SRPK2: variants seen among roughly 807,000 people sequenced by gnomAD.
SRPK2 encodes the protein SRSF protein kinase 2.
Under a neutral mutation model 90.8 loss-of-function variants are expected in SRPK2, and 21 were observed. The ratio of observed to expected loss-of-function variants is 0.23; its 90% CI spans 0.16 to 0.33. The LOEUF is 0.33. SRPK2 is among the 10% of genes least tolerant of loss of function. The pLI is 1.00. For missense variants in SRPK2, 620 were observed against 869.0 expected, an observed-to-expected ratio of 0.71 and a Z score of 3.60; for synonymous variants, 288 against 311.1, an observed-to-expected ratio of 0.93 and a Z score of 0.78.
intron 2 of SRPK2, among the ~76,000 whole-genome samples, chr7:105,207,531 A>G (rs1796361992): frequency 6.6e-6 from 1 of 152,262 alleles, no homozygotes; most frequent in South Asian, 2.1e-4. Context: ...ATGGCAGTGG[A>G]AATGACCCAT....
intron 2 of SRPK2, among the ~76,000 whole-genome samples, chr7:105,363,985 G>A (rs1408195440): frequency 6.6e-6 from 1 of 150,626 alleles, no homozygotes; most frequent in Non-Finnish European, 1.5e-5. Flanking sequence ...GCCGGACAAT[G>A]AGAACACATG....
At chr7:105,389,393 G>A (rs1207741021), upstream of SRPK2, 2 of 1,246,004 alleles carry the variant, frequency 1.6e-6, no homozygotes, top group African/African-American at 1.6e-5. Flanking sequence ...CTCCTCTCCG[G>A]CAGGCGTGGA....
At chr7:105,349,142 T>C (rs1304758612) in intron 2 of SRPK2, among the ~76,000 whole-genome samples, 4 of 109,038 alleles carry the variant, frequency 3.7e-5, no homozygotes, top group Admixed American at 1.5e-4. Flanking sequence ...GAGATTTTTG[T>C]AGAAAGAGAG....
chr7:105,209,458 T>C (rs542871094), intron 2 of SRPK2, among the ~76,000 whole-genome samples: 45 of 152,080 alleles, frequency 3.0e-4, no homozygotes, highest in African/African-American at 1.1e-3. Flanking sequence ...GTGAGAGGAC[T>C]GCTTGAGCAT....
At chr7:105,254,592 T>A (rs751740659) in intron 2 of SRPK2, among the ~76,000 whole-genome samples, 8 of 152,236 alleles carry the variant, frequency 5.3e-5, no homozygotes, top group Non-Finnish European at 1.2e-4. Flanking sequence ...AAATGCCAGT[T>A]TGAAAATCAT....
intron 6 of SRPK2, among the ~76,000 whole-genome samples, chr7:105,166,604 T>C (rs1417682270): frequency 6.6e-6 from 1 of 152,216 alleles, no homozygotes; most frequent in Non-Finnish European, 1.5e-5. Flanking sequence ...GATCTCTTTC[T>C]TATATGTTTG....
intron 2 of SRPK2, among the ~76,000 whole-genome samples, chr7:105,300,449 C>T (rs1465400200): frequency 2.6e-5 from 4 of 151,886 alleles, no homozygotes; most frequent in Non-Finnish European, 4.4e-5. Context: ...AGAAGAATAG[C>T]CACAGGAGGA....
chr7:105,182,074 C>CA (rs1792928727), intron 3 of SRPK2, among the ~76,000 whole-genome samples: 1 of 150,608 alleles, frequency 6.6e-6, no homozygotes. Context: ...ACTAAAAATA[C>CA]AAAAAAATTA....
chr7:105,177,793 C>T (rs1005796037), intron 3 of SRPK2, among the ~76,000 whole-genome samples: 3 of 152,050 alleles, frequency 2.0e-5, no homozygotes, highest in Non-Finnish European at 2.9e-5. Flanking sequence ...GAGGCCGAGA[C>T]GGGCGGATCA....
rs1317577263 is a variant in SRPK2, at chr7:105,146,503, T to C, written c.777A>G (p.Ser259=). ...EWQKAGAPPP[S]GSAVSTAPQQ... is the part of the protein sequence containing the mutation. ...GCTCAGCTCCCTCACCTGCAGACCC[T>C]GAAGGAGGAGGAGCACCTGCTTTCT... The change falls in exon 8 of 16, where the codon TCA becomes TCG. Residue 259 remains serine (S), a synonymous_variant. Coordinates refer to ENST00000393651, the MANE Select transcript of SRPK2 (RefSeq NM_182692.3). The C allele has an allele frequency of 6.2e-7, 1 of 1,614,106 alleles. No homozygotes were observed. Among genetic ancestry groups the C allele is most frequent in the Non-Finnish European group, 8.5e-7 (1 of 1,179,998 alleles).
chr7:105,177,533 A>C (rs1792132883), intron 3 of SRPK2, among the ~76,000 whole-genome samples: 1 of 152,186 alleles, frequency 6.6e-6, no homozygotes, highest in Admixed American at 6.5e-5. Flanking sequence ...AAAAGAGTTA[A>C]AATGTAAGTT....
chr7:105,249,126 T>C (rs3801281), intron 2 of SRPK2, among the ~76,000 whole-genome samples: 109,513 of 152,040 alleles, frequency 0.72, 39,959 homozygotes, highest in African/African-American at 0.83. Flanking sequence ...ACATCCTGTT[T>C]CACACATCTG....
intron 3 of SRPK2, among the ~76,000 whole-genome samples, 169 bp from the exon 4 acceptor site, chr7:105,169,434 GA>G (rs1374514254): frequency 1.3e-5 from 2 of 152,052 alleles, no homozygotes; most frequent in East Asian, 3.9e-4. Context: ...CTTTCAACAA[GA>G]AAAAGTGTTG....
At chr7:105,207,018 C>T (rs2129611302) in intron 2 of SRPK2, among the ~76,000 whole-genome samples, 1 of 152,304 alleles carries the variant, frequency 6.6e-6, no homozygotes, top group East Asian at 1.9e-4. Context: ...AATGTAACCG[C>T]CAATTCTTTT....
At chr7:105,315,696 T>G (rs1215247470) in intron 2 of SRPK2, among the ~76,000 whole-genome samples, 1 of 152,210 alleles carries the variant, frequency 6.6e-6, no homozygotes, top group Non-Finnish European at 1.5e-5. Context: ...TAAAGTCACT[T>G]ATAACATAAT....
chr7:105,244,202 C>T (rs1331651220), intron 2 of SRPK2, among the ~76,000 whole-genome samples: 1 of 152,128 alleles, frequency 6.6e-6, no homozygotes, highest in Non-Finnish European at 1.5e-5. Context: ...GGGGTAAAAC[C>T]GCTATAAAAA....
intron 15 of SRPK2, chr7:105,125,842 T>C (rs1244032264): frequency 6.2e-6 from 8 of 1,298,782 alleles, no homozygotes; most frequent in South Asian, 1.2e-5. Flanking sequence ...CGAGGGACTT[T>C]CCCCAGCAGT....
intron 3 of SRPK2, among the ~76,000 whole-genome samples, chr7:105,187,767 TGGTG>T (rs1329633323): frequency 2.0e-5 from 3 of 152,100 alleles, no homozygotes; most frequent in Non-Finnish European, 4.4e-5. Flanking sequence ...TGAATATGCG[TGGTG>T]TAGTAAGCAG....
chr7:105,368,239 T>C (rs1413394345), intron 2 of SRPK2, among the ~76,000 whole-genome samples: 1 of 152,214 alleles, frequency 6.6e-6, no homozygotes, highest in African/African-American at 2.4e-5. Flanking sequence ...ATTGCTTTTT[T>C]AGAAAAACTG....
Sources: gnomAD v4.1 joint callset for allele counts (sites outside exome capture counted in the v4.1 genomes callset) on GRCh38, gnomAD v4.1.1 for gene constraint, MANE v1.5 for transcripts, NCBI Gene and HGNC (gene_info 2026-07-23, HGNC 2026-07-21) for gene names.